The following DISC1 variants were observed in gnomAD, a reference collection of about 807,000 sequenced individuals.
DISC1 encodes the protein disrupted in schizophrenia 1 protein.
A neutral mutation model predicts 84.5 loss-of-function variants in DISC1; 57 were observed. The observed-to-expected ratio is 0.67, with a 90% CI of 0.55 to 0.84. DISC1 has a LOEUF of 0.84. Ranked by LOEUF, DISC1 falls within the 40% of genes least tolerant of loss-of-function variation. The pLI is 0.00. For synonymous variants in DISC1, 411 were observed against 415.2 expected (o/e 0.99, Z 0.12); for missense variants, 1,000 against 1,057.8 (o/e 0.95, Z 0.76).
intron 6 of DISC1, among the ~76,000 whole-genome samples, chr1:231,787,922 G>A (rs1158197483): frequency 6.6e-6 from 1 of 152,136 alleles, no homozygotes; most frequent in African/African-American, 2.4e-5. Context: ...GCCTGTATTA[G>A]TTTGCTGCCA....
intron 10 of DISC1, among the ~76,000 whole-genome samples, chr1:231,966,295 T>G (rs1161640966): frequency 6.6e-6 from 1 of 152,244 alleles, no homozygotes; most frequent in Non-Finnish European, 1.5e-5. Flanking sequence ...CCACTTACTC[T>G]CACTCCTTCA....
At chr1:232,033,016 T>A (rs16856295) in intron 12 of DISC1, among the ~76,000 whole-genome samples, 9,098 of 152,216 alleles carry the variant, frequency 0.06, 902 homozygotes, top group African/African-American at 0.2. Context: ...CACTTTTTTT[T>A]AATTTATGGT....
At chr1:231,916,634 GAC>G (rs1432396282) in intron 9 of DISC1, among the ~76,000 whole-genome samples, 3 of 132,164 alleles carry the variant, frequency 2.3e-5, no homozygotes, top group East Asian at 4.5e-4. Context: ...CAGCCTGGGC[GAC>G]AGAGCGAGAC....
At chr1:232,001,315 G>A (rs1266306751) in intron 10 of DISC1, among the ~76,000 whole-genome samples, 2 of 152,014 alleles carry the variant, frequency 1.3e-5, no homozygotes, top group East Asian at 3.9e-4. Flanking sequence ...CTGACCTCAG[G>A]TGATCCACCT....
intron 11 of DISC1, among the ~76,000 whole-genome samples, chr1:232,017,842 C>G (rs1331715725): frequency 2.6e-5 from 4 of 152,202 alleles, no homozygotes; most frequent in African/African-American, 9.7e-5. Context: ...CTTGTTACTT[C>G]AGTTTGGAGA....
intron 9 of DISC1, among the ~76,000 whole-genome samples, chr1:231,918,825 A>G (rs6687338): frequency 0.26 from 39,799 of 152,030 alleles, 7,439 homozygotes; most frequent in East Asian, 0.7. Context: ...GCAAAGTTTC[A>G]TACCTGGAAG....
intron 6 of DISC1, among the ~76,000 whole-genome samples, chr1:231,792,867 C>T (rs749288248): frequency 3.3e-5 from 5 of 152,204 alleles, no homozygotes; most frequent in Admixed American, 6.5e-5. Context: ...TTCCACTGTT[C>T]CCACTGAGTA....
In DISC1 at chr1:231,952,016, A is replaced by G. The variant is rs184478629; in HGVS notation, c.1982-6812A>G. Among the ~76,000 whole-genome samples the G allele has an allele frequency of 6.7e-5, 10 of 150,108 alleles. No homozygotes were observed. In the Admixed American group the frequency reaches 6.7e-4, roughly 10 times the overall value. On this transcript the variant is annotated intron_variant, in intron 9 of 12. Transcript: ENST00000439617. ...GAAGATCACTTGAGCCCAGGAGTTC[A>G]AGGCTGTAGTGAGCTATAATCACGC...
chr1:231,810,923 G>A (rs1376171961), intron 8 of DISC1, among the ~76,000 whole-genome samples: 1 of 152,170 alleles, frequency 6.6e-6, no homozygotes, highest in Non-Finnish European at 1.5e-5. Context: ...CAGCTTCCGG[G>A]GTTGCTTTTT....
At chr1:231,835,748 A>G (rs1369714899) in intron 9 of DISC1, among the ~76,000 whole-genome samples, 2 of 152,028 alleles carry the variant, frequency 1.3e-5, no homozygotes, top group African/African-American at 4.8e-5. Flanking sequence ...ATTTTTTCCT[A>G]TTTGTATGTG....
At chr1:231,874,002 C>T (rs1223956855) in intron 9 of DISC1, among the ~76,000 whole-genome samples, 2 of 152,016 alleles carry the variant, frequency 1.3e-5, no homozygotes, top group Non-Finnish European at 2.9e-5. Flanking sequence ...CATGCACCAC[C>T]ACGCCCAGCT....
chr1:231,718,008 T>G (rs1573192775), intron 3 of DISC1, among the ~76,000 whole-genome samples: 1 of 152,164 alleles, frequency 6.6e-6, no homozygotes. Context: ...TTACAATGAA[T>G]GGCAAGTCAA....
intron 3 of DISC1, among the ~76,000 whole-genome samples, chr1:231,733,112 T>TG (rs2071801183): frequency 6.6e-6 from 1 of 151,794 alleles, no homozygotes; most frequent in Non-Finnish European, 1.5e-5. Flanking sequence ...GTGATGGTGG[T>TG]AGTGGTAGGA....
intron 3 of DISC1, among the ~76,000 whole-genome samples, chr1:231,714,407 T>C (rs2068379728): frequency 6.6e-6 from 1 of 152,122 alleles, no homozygotes; most frequent in South Asian, 2.1e-4. Flanking sequence ...AAGAATAAAG[T>C]TGGACTCTTG....
chr1:231,827,652 C>G (rs1223677940), intron 9 of DISC1, among the ~76,000 whole-genome samples: 1 of 152,180 alleles, frequency 6.6e-6, no homozygotes, highest in Non-Finnish European at 1.5e-5. Flanking sequence ...AGAGAGCATG[C>G]TGATGAATGT....
intron 3 of DISC1, among the ~76,000 whole-genome samples, chr1:231,731,942 G>A (rs1558441894): frequency 6.6e-6 from 1 of 152,194 alleles, no homozygotes. Flanking sequence ...CACTGTCAAG[G>A]AGACTGAGTC....
intron 10 of DISC1, among the ~76,000 whole-genome samples, chr1:231,975,137 C>A (rs568773134): frequency 3.4e-4 from 52 of 151,278 alleles, no homozygotes; most frequent in African/African-American, 6.4e-4. Flanking sequence ...ACAACAACAA[C>A]AAAAAACAAA....
intron 4 of DISC1, among the ~76,000 whole-genome samples, chr1:231,753,046 T>A (rs1023607441): frequency 2.6e-5 from 4 of 152,236 alleles, no homozygotes; most frequent in African/African-American, 4.8e-5. Flanking sequence ...CAGGCTGGCA[T>A]TGAGTACCTG....
intron 8 of DISC1, among the ~76,000 whole-genome samples, chr1:231,801,485 T>C (rs2079249504): frequency 6.6e-6 from 1 of 152,218 alleles, no homozygotes; most frequent in South Asian, 2.1e-4. Flanking sequence ...GATGGTATAT[T>C]GCGTATGGCG....
Sources: allele counts gnomAD v4.1 joint callset (sites outside exome capture counted in the v4.1 genomes callset), GRCh38; gene constraint gnomAD v4.1.1; transcripts MANE v1.5; gene names NCBI Gene and HGNC (gene_info 2026-07-23, HGNC 2026-07-21).